GRIK4: variants seen among roughly 807,000 people sequenced by gnomAD.
GRIK4 encodes the protein glutamate receptor ionotropic, kainate 4.
A neutral mutation model predicts 104.9 loss-of-function variants in GRIK4; 40 were observed. That is an observed-to-expected ratio of 0.38 (90% CI 0.30 to 0.50). GRIK4 has a LOEUF of 0.50. GRIK4 is among the 20% of genes least tolerant of loss of function. GRIK4 has a pLI of 0.93. For missense variants in GRIK4, 1,047 were observed against 1,308.1 expected, an observed-to-expected ratio of 0.80 and a Z score of 3.08; for synonymous variants, 485 against 524.9, an observed-to-expected ratio of 0.92 and a Z score of 1.04.
chr11:120,817,789 C>T (rs953109628), intron 5 of GRIK4, among the ~76,000 whole-genome samples: 1 of 152,182 alleles, frequency 6.6e-6, no homozygotes, highest in Admixed American at 6.5e-5. Flanking sequence ...GCCGAAGGCT[C>T]CCCATCAGCT....
Position 120,841,155 on chromosome 11 carries a change from T to G in GRIK4, c.744+4311T>G, listed in dbSNP as rs77169698. Among the ~76,000 whole-genome samples, 1,239 of 152,310 alleles carry G rather than the reference T, an allele frequency of 8.1e-3. 16 individuals are homozygous for G. The highest frequency in any genetic ancestry group is 0.028 in the African/African-American group (1,172 of 41,556). On this transcript the variant is annotated intron_variant, in intron 8 of 20. Transcript: ENST00000527524. Reference sequence around the variant, plus strand: ...ATTGTAACCATATTTAAGTACACTTTTCAGTGGCATGAAGTACATCCACAT... The same window carrying G: ...ATTGTAACCATATTTAAGTACACTTGTCAGTGGCATGAAGTACATCCACAT...
chr11:120,724,201 T>G (rs1389392009), intron 3 of GRIK4, among the ~76,000 whole-genome samples: 1 of 152,206 alleles, frequency 6.6e-6, no homozygotes, highest in Non-Finnish European at 1.5e-5. Context: ...CAGGCTGGAG[T>G]GCAGTGGCAT....
intron 1 of GRIK4, among the ~76,000 whole-genome samples, chr11:120,544,615 G>C (rs894631478): frequency 6.6e-6 from 1 of 152,228 alleles, no homozygotes; most frequent in Non-Finnish European, 1.5e-5. Context: ...ACAGGCTAAA[G>C]AGTACTATTT....
intron 3 of GRIK4, among the ~76,000 whole-genome samples, chr11:120,702,521 C>A (rs1950569519): frequency 6.6e-6 from 1 of 152,046 alleles, no homozygotes; most frequent in Non-Finnish European, 1.5e-5. Context: ...TGGGTTTGTA[C>A]AGACAGAGAA....
At chr11:120,964,165 T>C (rs1033295551) in intron 18 of GRIK4, among the ~76,000 whole-genome samples, 2 of 151,912 alleles carry the variant, frequency 1.3e-5, no homozygotes, top group African/African-American at 2.4e-5. Context: ...CTAATTTTTG[T>C]ATTTTTGGTA....
chr11:120,710,686 T>C (rs11217988), intron 3 of GRIK4, among the ~76,000 whole-genome samples: 38,070 of 152,150 alleles, frequency 0.25, 6,425 homozygotes, highest in African/African-American at 0.48. Flanking sequence ...CTCCTCCAGA[T>C]TCTGTGCCCA....
At chr11:120,800,491 C>G in intron 3 of GRIK4, among the ~76,000 whole-genome samples, 1 of 152,106 alleles carries the variant, frequency 6.6e-6, no homozygotes, top group Non-Finnish European at 1.5e-5. Flanking sequence ...TTGAAATGTT[C>G]CCAGGCTCTT....
intron 18 of GRIK4, among the ~76,000 whole-genome samples, chr11:120,964,571 C>T (rs568553525): frequency 6.6e-6 from 1 of 152,254 alleles, no homozygotes; most frequent in Non-Finnish European, 1.5e-5. Flanking sequence ...TTAAGGCACA[C>T]ATTGATGATA....
chr11:120,982,292 T>TA (rs1200813360), intron 20 of GRIK4, 68 bp downstream of exon 20: 1 of 854,854 alleles, frequency 1.2e-6, no homozygotes, highest in Non-Finnish European at 2.0e-6. Context: ...CTCATGCACA[T>TA]ATAAGGTTAT....
At chr11:120,946,267 C>T (rs919700048) in intron 14 of GRIK4, among the ~76,000 whole-genome samples, 1 of 152,170 alleles carries the variant, frequency 6.6e-6, no homozygotes, top group Non-Finnish European at 1.5e-5. Context: ...CTCAAGCACA[C>T]CCCGACTATT....
At chr11:120,754,933 A>G (rs1182156840) in intron 3 of GRIK4, among the ~76,000 whole-genome samples, 2 of 152,134 alleles carry the variant, frequency 1.3e-5, no homozygotes, top group Admixed American at 6.6e-5. Flanking sequence ...ACCCCTTATC[A>G]TTTATATGAT....
intron 1 of GRIK4, among the ~76,000 whole-genome samples, chr11:120,519,250 C>T (rs975762613): frequency 6.6e-6 from 1 of 152,182 alleles, no homozygotes; most frequent in African/African-American, 2.4e-5. Flanking sequence ...TCTTAATCTT[C>T]CTAATAACTG....
chr11:120,841,338 G>T (rs1378502199), intron 8 of GRIK4, among the ~76,000 whole-genome samples: 1 of 152,064 alleles, frequency 6.6e-6, no homozygotes, highest in Non-Finnish European at 1.5e-5. Flanking sequence ...GACTACTCTA[G>T]GTATTTCATA....
chr11:120,814,159 A>T (rs1591946610), intron 4 of GRIK4, among the ~76,000 whole-genome samples: 1 of 152,324 alleles, frequency 6.6e-6, no homozygotes, highest in South Asian at 2.1e-4. Flanking sequence ...GGATTGGGAG[A>T]TAAATGTGGC....
chr11:120,836,687 G>A, intron 7 of GRIK4, 104 bp from the exon 8 acceptor site: 1 of 767,526 alleles, frequency 1.3e-6, no homozygotes, highest in South Asian at 1.4e-5. Flanking sequence ...TGGTGCCAAG[G>A]GGCAGTGGGC....
chr11:120,662,591 G>C (rs1248068692), intron 3 of GRIK4, among the ~76,000 whole-genome samples: 1 of 152,148 alleles, frequency 6.6e-6, no homozygotes, highest in Non-Finnish European at 1.5e-5. Context: ...GCTGTGCTGA[G>C]CAGCAGGCAG....
intron 1 of GRIK4, among the ~76,000 whole-genome samples, chr11:120,598,942 T>C (rs1404660856): frequency 1.3e-5 from 2 of 152,236 alleles, no homozygotes; most frequent in East Asian, 3.9e-4. Context: ...AATGGACTCC[T>C]TCTCTTGATG....
chr11:120,925,515 G>A (rs574218084), intron 13 of GRIK4, among the ~76,000 whole-genome samples: 123 of 152,304 alleles, frequency 8.1e-4, no homozygotes, highest in Non-Finnish European at 1.3e-3. Flanking sequence ...CGTTGTCAGC[G>A]ACCCAGAGCT....
At chr11:120,971,857 G>A (rs1269623711) in intron 19 of GRIK4, among the ~76,000 whole-genome samples, 1 of 152,170 alleles carries the variant, frequency 6.6e-6, no homozygotes, top group African/African-American at 2.4e-5. Context: ...TGAATAGGTA[G>A]GATGAGGTTG....
Sources: gnomAD v4.1 joint callset for allele counts (sites outside exome capture counted in the v4.1 genomes callset) on GRCh38, gnomAD v4.1.1 for gene constraint, MANE v1.5 for transcripts, NCBI Gene and HGNC (gene_info 2026-07-23, HGNC 2026-07-21) for gene names.